KCNQ3: variants seen among roughly 807,000 people sequenced by gnomAD.
KCNQ3 encodes the protein potassium voltage-gated channel subfamily KQT member 3.
Under a neutral mutation model 92.5 loss-of-function variants are expected in KCNQ3, and 30 were observed. That is an observed-to-expected ratio of 0.32 (90% CI 0.24 to 0.44). The LOEUF (loss-of-function observed/expected upper bound fraction) is 0.44. Among genes scored for constraint, KCNQ3 ranks in the 20% least tolerant of loss-of-function variants. KCNQ3 has a pLI of 1.00. For missense variants in KCNQ3, 913 were observed against 1,140.3 expected (o/e 0.80, Z 2.87); for synonymous variants, 450 against 468.8 (o/e 0.96, Z 0.52).
intron 1 of KCNQ3, among the ~76,000 whole-genome samples, chr8:132,385,869 T>C (rs1487888583): frequency 6.6e-6 from 1 of 151,882 alleles, no homozygotes; most frequent in Admixed American, 6.6e-5. Context: ...AAGATGGTAA[T>C]GATGATGGAT....
intron 1 of KCNQ3, among the ~76,000 whole-genome samples, chr8:132,283,254 G>T (rs1816585519): frequency 1.0e-5 from 1 of 95,722 alleles, no homozygotes; most frequent in Admixed American, 1.2e-4. Flanking sequence ...GGCTCAGAGA[G>T]GCAAAAAAAA....
chr8:132,184,849 A>T (rs1826912880), intron 2 of KCNQ3, among the ~76,000 whole-genome samples: 3 of 152,212 alleles, frequency 2.0e-5, no homozygotes. Flanking sequence ...TGATAATATT[A>T]TTCTCATCTT....
At chr8:132,249,339 G>A (rs981806829) in intron 1 of KCNQ3, among the ~76,000 whole-genome samples, 1 of 152,150 alleles carries the variant, frequency 6.6e-6, no homozygotes, top group African/African-American at 2.4e-5. Flanking sequence ...TGATTGGTTC[G>A]TTTTGACAGG....
intron 1 of KCNQ3, among the ~76,000 whole-genome samples, chr8:132,433,469 T>C (rs1821304125): frequency 1.3e-5 from 2 of 152,228 alleles, no homozygotes. Flanking sequence ...AAAATCGCCA[T>C]GGAGAAATCA....
At chr8:132,161,771 C>T (rs1825999063) in intron 9 of KCNQ3, among the ~76,000 whole-genome samples, 1 of 152,234 alleles carries the variant, frequency 6.6e-6, no homozygotes, top group Non-Finnish European at 1.5e-5. Flanking sequence ...AAGTGTGACC[C>T]TAATGCACAC....
intron 1 of KCNQ3, among the ~76,000 whole-genome samples, chr8:132,451,243 T>C (rs1398356247): frequency 2.0e-5 from 3 of 152,242 alleles, no homozygotes; most frequent in South Asian, 2.1e-4. Context: ...ACTTTGCTTC[T>C]CCTTTGCCTT....
At chr8:132,469,054 T>G (rs1247614822) in intron 1 of KCNQ3, among the ~76,000 whole-genome samples, 1 of 152,188 alleles carries the variant, frequency 6.6e-6, no homozygotes, top group Non-Finnish European at 1.5e-5. Context: ...ATCTGCAAAA[T>G]CAGAGGGGGC....
intron 1 of KCNQ3, among the ~76,000 whole-genome samples, chr8:132,361,597 A>G (rs1430309876): frequency 6.6e-6 from 1 of 152,222 alleles, no homozygotes; most frequent in Non-Finnish European, 1.5e-5. Context: ...ACTCAAAAAG[A>G]AAAGAAAAAT....
intron 1 of KCNQ3, among the ~76,000 whole-genome samples, chr8:132,270,501 T>C (rs1586883021): frequency 6.6e-6 from 1 of 152,244 alleles, no homozygotes. Context: ...TGATCCTCTT[T>C]GCGCCTCAGT....
In KCNQ3 at chr8:132,466,496, G is replaced by T. The variant is rs531612481; in HGVS notation, c.386+13651C>A. On this transcript the variant is annotated intron_variant, in intron 1 of 14. Coordinates refer to ENST00000388996, the MANE Select transcript of KCNQ3 (RefSeq NM_004519.4). The stretch of plus-strand genomic sequence containing the variant: ...CCAGGAGCACCGCTTAGGCAGTCAT[G>T]GCTGGAGTTCAAGGACCATTCCTGG... Among the ~76,000 whole-genome samples the T allele has an allele frequency of 3.3e-5, 5 of 152,322 alleles. No homozygotes were observed. In the East Asian group the frequency reaches 9.6e-4, roughly 29 times the overall value.
At chr8:132,356,798 A>G (rs1819030843) in intron 1 of KCNQ3, among the ~76,000 whole-genome samples, 4 of 152,224 alleles carry the variant, frequency 2.6e-5, no homozygotes. Context: ...GTGATGGCCC[A>G]GGAATGGGAT....
At position 132,124,449 on chromosome 8, in the gene KCNQ3, A is replaced by T. The variant is rs565225337; in HGVS notation, c.*4813T>A. The T allele has an allele frequency of 2.6e-5, 4 of 152,342 alleles. No homozygotes were observed. In the South Asian group the frequency reaches 8.3e-4, roughly 32 times the overall value. The allele number at this position is 152,342 out of a possible 1,614,324, so 9.4% of individuals were successfully genotyped here. On this transcript the variant is annotated 3_prime_UTR_variant, in exon 15 of 15. Transcript: ENST00000388996. ...TCTCACTTGAAAATCAAAACACGGC[A>T]GAAGAGTCAAATGCTTTTGAATGTG...
intron 1 of KCNQ3, among the ~76,000 whole-genome samples, chr8:132,352,707 G>C (rs557821700): frequency 3.3e-5 from 5 of 152,264 alleles, no homozygotes; most frequent in African/African-American, 1.2e-4. Flanking sequence ...TGGAGATTAC[G>C]CTATTTTAAC....
At chr8:132,174,205 C>A in intron 6 of KCNQ3, 34 bp downstream of exon 6, 1 of 1,465,844 alleles carries the variant, frequency 6.8e-7, no homozygotes, top group South Asian at 1.2e-5. Flanking sequence ...TCCTGCACGT[C>A]ACATTGGGGA....
intron 1 of KCNQ3, among the ~76,000 whole-genome samples, chr8:132,292,614 T>C (rs1816889845): frequency 6.6e-6 from 1 of 152,166 alleles, no homozygotes; most frequent in African/African-American, 2.4e-5. Flanking sequence ...GAGAGTTGGA[T>C]ACATGGATAT....
At chr8:132,251,060 T>C (rs1401180299) in intron 1 of KCNQ3, among the ~76,000 whole-genome samples, 1 of 152,024 alleles carries the variant, frequency 6.6e-6, no homozygotes, top group Non-Finnish European at 1.5e-5. Context: ...TGAGCTCAAG[T>C]GTTTGATACC....
intron 1 of KCNQ3, among the ~76,000 whole-genome samples, chr8:132,328,053 C>T (rs1037524804): frequency 6.6e-6 from 1 of 152,182 alleles, no homozygotes; most frequent in Non-Finnish European, 1.5e-5. Context: ...AGGATGCCTG[C>T]TCTCTGCAGT....
At chr8:132,165,003 C>T (rs1826101573) in intron 8 of KCNQ3, among the ~76,000 whole-genome samples, 1 of 152,170 alleles carries the variant, frequency 6.6e-6, no homozygotes, top group Non-Finnish European at 1.5e-5. Flanking sequence ...ACAGACCAGG[C>T]CATCTCTGCT....
chr8:132,258,719 A>G (rs546996338), intron 1 of KCNQ3, among the ~76,000 whole-genome samples: 34 of 152,156 alleles, frequency 2.2e-4, no homozygotes, highest in African/African-American at 7.7e-4. Context: ...CCATAAATTT[A>G]CTCTTTGAAA....
Sources: gnomAD v4.1 joint callset for allele counts (sites outside exome capture counted in the v4.1 genomes callset) on GRCh38, gnomAD v4.1.1 for gene constraint, MANE v1.5 for transcripts, NCBI Gene and HGNC (gene_info 2026-07-23, HGNC 2026-07-21) for gene names.